The following FHIT variants were observed in gnomAD, a reference collection of about 807,000 sequenced individuals.
FHIT encodes bis(5'-adenosyl)-triphosphatase.
A neutral mutation model predicts 17.9 loss-of-function variants in FHIT; 19 were observed. The observed-to-expected ratio is 1.06, with a 90% CI of 0.74 to 1.56. The LOEUF (loss-of-function observed/expected upper bound fraction) is 1.56. Among genes scored for constraint, FHIT ranks in the 40% most tolerant of loss-of-function variants. The pLI is 0.00. For synonymous variants in FHIT, 81 were observed against 69.7 expected, an observed-to-expected ratio of 1.16 and a Z score of -0.81; for missense variants, 248 against 189.2, an observed-to-expected ratio of 1.31 and a Z score of -1.82.
At chr3:60,919,050 C>A (rs894689791) in intron 3 of FHIT, among the ~76,000 whole-genome samples, 1 of 152,036 alleles carries the variant, frequency 6.6e-6, no homozygotes, top group Non-Finnish European at 1.5e-5. Flanking sequence ...TCACTACCTA[C>A]CCAGACACAA....
At position 61,124,142 on chromosome 3, in the gene FHIT, T is replaced by A. The variant is rs991340403; in HGVS notation, c.-164+76475A>T. Among the ~76,000 whole-genome samples, 3 of 152,224 alleles carry A rather than the reference T, an allele frequency of 2.0e-5. No individual in the cohort carries two copies. The East Asian group carries it at 5.8e-4, about 29-fold the overall frequency. Reference sequence around the variant, plus strand: ...GCACACAGACATAACAAGTCTGGGTTGAGGACGGCTATTAGAGCAAAACGT... The same window carrying A: ...GCACACAGACATAACAAGTCTGGGTAGAGGACGGCTATTAGAGCAAAACGT... On this transcript the variant is annotated intron_variant, in intron 2 of 9. Transcript: ENST00000492590.
At chr3:59,818,107 A>T (rs536972334) in intron 8 of FHIT, among the ~76,000 whole-genome samples, 1 of 86,706 alleles carries the variant, frequency 1.2e-5, no homozygotes, top group Admixed American at 1.3e-4. Context: ...TAGGAATTCT[A>T]AAAAGAAAAA....
chr3:60,218,056 T>G (rs1390463397), intron 5 of FHIT, among the ~76,000 whole-genome samples: 1 of 152,160 alleles, frequency 6.6e-6, no homozygotes, highest in African/African-American at 2.4e-5. Flanking sequence ...TGCAAAATGT[T>G]TATTATTGTT....
chr3:60,642,665 C>G (rs1472869162), intron 4 of FHIT, among the ~76,000 whole-genome samples: 2 of 152,136 alleles, frequency 1.3e-5, no homozygotes, highest in Admixed American at 1.3e-4. Context: ...GAGTTCAGAG[C>G]AAAGTCATCA....
At chr3:60,212,922 AG>A (rs1345665153) in intron 5 of FHIT, among the ~76,000 whole-genome samples, 4 of 152,172 alleles carry the variant, frequency 2.6e-5, no homozygotes, top group African/African-American at 4.8e-5. Context: ...TGTCTATCTC[AG>A]GGATTTTGCT....
intron 3 of FHIT, among the ~76,000 whole-genome samples, chr3:60,903,700 T>C (rs983035303): frequency 6.6e-6 from 1 of 152,232 alleles, no homozygotes; most frequent in Non-Finnish European, 1.5e-5. Flanking sequence ...TCTAAACATC[T>C]GGATTTCAGA....
chr3:60,389,553 G>C (rs1701143130), intron 5 of FHIT, among the ~76,000 whole-genome samples: 1 of 152,096 alleles, frequency 6.6e-6, no homozygotes, highest in African/African-American at 2.4e-5. Flanking sequence ...TGCTATCAGA[G>C]AATGTCTGTT....
intron 5 of FHIT, among the ~76,000 whole-genome samples, chr3:60,237,086 C>T (rs182423085): frequency 1.3e-5 from 2 of 152,124 alleles, no homozygotes; most frequent in East Asian, 3.9e-4. Flanking sequence ...TATATTGATA[C>T]TCCATTTTCA....
chr3:60,416,086 G>T (rs149343392), intron 5 of FHIT, among the ~76,000 whole-genome samples: 26 of 151,586 alleles, frequency 1.7e-4, no homozygotes, highest in South Asian at 8.3e-4. Context: ...TAATAAAATA[G>T]TGGAAAAAAC....
intron 5 of FHIT, among the ~76,000 whole-genome samples, chr3:60,121,709 A>AAAACACACACACACACAC (rs1553690214): frequency 5.2e-5 from 6 of 116,418 alleles, no homozygotes; most frequent in African/African-American, 1.3e-4. Context: ...AAACAAAACA[A>AAAACACACACACACACAC]ACACACACAC....
At chr3:59,764,683 G>A (rs1165398042) in intron 8 of FHIT, among the ~76,000 whole-genome samples, 7 of 152,046 alleles carry the variant, frequency 4.6e-5, no homozygotes. Context: ...GAAACGCTAT[G>A]CTTACCATGC....
chr3:60,510,243 G>C (rs1050293260), intron 5 of FHIT, among the ~76,000 whole-genome samples: 1 of 152,176 alleles, frequency 6.6e-6, no homozygotes, highest in African/African-American at 2.4e-5. Flanking sequence ...ACCAAGCATA[G>C]TTAAGCCAGG....
At chr3:59,878,643 C>A (rs1201355482) in intron 8 of FHIT, among the ~76,000 whole-genome samples, 1 of 152,200 alleles carries the variant, frequency 6.6e-6, no homozygotes, top group Non-Finnish European at 1.5e-5. Context: ...GCATGAGGAA[C>A]ACAGCCGAAG....
chr3:60,258,616 G>A (rs1402794854), intron 5 of FHIT, among the ~76,000 whole-genome samples: 1 of 152,104 alleles, frequency 6.6e-6, no homozygotes, highest in African/African-American at 2.4e-5. Flanking sequence ...CTAAGTTCAT[G>A]GCTGAGGCAC....
intron 8 of FHIT, among the ~76,000 whole-genome samples, chr3:59,782,119 C>T (rs2106884422): frequency 6.6e-6 from 1 of 152,276 alleles, no homozygotes; most frequent in Admixed American, 6.5e-5. Flanking sequence ...GACTTATCTA[C>T]CAGATCTGTC....
At chr3:60,451,793 G>A (rs1010554280) in intron 5 of FHIT, among the ~76,000 whole-genome samples, 1 of 152,142 alleles carries the variant, frequency 6.6e-6, no homozygotes, top group African/African-American at 2.4e-5. Flanking sequence ...AGCACTGGGA[G>A]ATTGCATAAG....
chr3:59,794,770 C>T (rs936855249), intron 8 of FHIT, among the ~76,000 whole-genome samples: 1 of 152,232 alleles, frequency 6.6e-6, no homozygotes, highest in African/African-American at 2.4e-5. Flanking sequence ...CTCCAATCTA[C>T]AGCTGAAGAA....
chr3:59,947,567 C>T (rs549118081), intron 7 of FHIT, among the ~76,000 whole-genome samples: 1 of 152,208 alleles, frequency 6.6e-6, no homozygotes, highest in South Asian at 2.1e-4. Context: ...ATAAGAGGTT[C>T]AGTTGATGAG....
At chr3:61,158,754 T>C (rs17064527) in intron 2 of FHIT, among the ~76,000 whole-genome samples, 4,717 of 152,274 alleles carry the variant, frequency 0.031, 332 homozygotes, top group East Asian at 0.28. Flanking sequence ...ACCCAAAGAA[T>C]GAATGCTTTT....
Sources: allele counts gnomAD v4.1 joint callset (sites outside exome capture counted in the v4.1 genomes callset), GRCh38; gene constraint gnomAD v4.1.1; transcripts MANE v1.5; gene names NCBI Gene and HGNC (gene_info 2026-07-23, HGNC 2026-07-21).